IFT80: variants seen among roughly 807,000 people sequenced by gnomAD.
The protein encoded by IFT80 is intraflagellar transport protein 80 homolog.
A neutral mutation model predicts 107.9 loss-of-function variants in IFT80; 79 were observed. That is an observed-to-expected ratio of 0.73 (90% confidence interval 0.61 to 0.88). IFT80 has a LOEUF of 0.88. Ranked by LOEUF, IFT80 falls within the 40% of genes least tolerant of loss-of-function variation. IFT80 has a pLI of 0.00. For synonymous variants in IFT80, 299 were observed against 300.9 expected (o/e 0.99, Z 0.07); for missense variants, 797 against 914.2 (o/e 0.87, Z 1.65).
intron 13 of IFT80, 61 bp downstream of exon 13, chr3:160,285,742 AT>A: frequency 9.0e-7 from 1 of 1,114,100 alleles, no homozygotes; most frequent in South Asian, 1.4e-5. Flanking sequence ...GAAAACATTA[AT>A]TTTGAAAAGG....
intron 8 of IFT80, among the ~76,000 whole-genome samples, chr3:160,329,824 CTTT>C (rs144967861): frequency 6.6e-6 from 1 of 151,376 alleles, no homozygotes; most frequent in African/African-American, 2.4e-5. Flanking sequence ...AAATTGTATG[CTTT>C]TTTTTTCTTG....
At chr3:160,348,610 A>G (rs755002363) in intron 8 of IFT80, among the ~76,000 whole-genome samples, 1 of 152,240 alleles carries the variant, frequency 6.6e-6, no homozygotes, top group Non-Finnish European at 1.5e-5. Context: ...AAATTAAAAT[A>G]TGTCCACACA....
At chr3:160,324,302 C>G (rs141991012) in intron 8 of IFT80, among the ~76,000 whole-genome samples, 1 of 152,098 alleles carries the variant, frequency 6.6e-6, no homozygotes, top group Admixed American at 6.6e-5. Flanking sequence ...ATCCTAATAC[C>G]GAAGCCGGGT....
rs1174175999 is a variant in IFT80 at position 160,307,734 on chromosome 3, A to G, written c.1005T>C (p.Asp335=). The G allele has an allele frequency of 1.2e-6, 2 of 1,606,594 alleles. No individual in the cohort carries two copies. Among genetic ancestry groups the G allele is most frequent in the African/African-American group, 2.7e-5 (2 of 74,794 alleles). ...AGTTCAAAGATGCTTTAATGACTCT[A>G]TCACGGAATTCCAGTAAATCCACTG... The part of the protein sequence containing the change: ...NDAVDLLEFR[D]RVIKASLNYA... The change falls in exon 10 of 20, where the codon GAT becomes GAC. Residue 335 remains aspartate, a synonymous_variant. Coordinates refer to ENST00000326448, the MANE Select transcript of IFT80 (RefSeq NM_020800.3).
At chr3:160,277,903 T>C (rs1714391352) in intron 16 of IFT80, among the ~76,000 whole-genome samples, 1 of 152,174 alleles carries the variant, frequency 6.6e-6, no homozygotes, top group Non-Finnish European at 1.5e-5. Context: ...TTATTAAGGA[T>C]TTATTTCTGA....
chr3:160,372,806 T>G (rs1711631049), intron 5 of IFT80, among the ~76,000 whole-genome samples: 1 of 152,214 alleles, frequency 6.6e-6, no homozygotes. Context: ...TATCATTACA[T>G]GATATGATGA....
Position 160,384,565 on chromosome 3 carries a change from C to T in IFT80, c.36G>A (p.Lys12=), listed in dbSNP as rs764052178. The T allele has an allele frequency of 1.9e-5, 28 of 1,485,012 alleles. No homozygotes were observed. The African/African-American group carries it at 3.3e-4, about 18-fold the overall frequency. The allele number at this position is 1,485,012 out of a possible 1,614,324, so 92.0% of individuals were successfully genotyped here. Residue 12 remains lysine (K), a splice_region_variant and synonymous_variant, in exon 2 of 20, where the codon AAG becomes AAA. Transcript: ENST00000326448. The part of the protein sequence containing the change: ...RLKISLLKEP[K]HQELVSCVGW... ...GATTTATAAGCATTAAAAGGATATGCTTTGGTTCTTTTAAAAGAGATATCT... is the reference window on the plus strand; with the variant it reads ...GATTTATAAGCATTAAAAGGATATGTTTTGGTTCTTTTAAAAGAGATATCT...
At chr3:160,371,857 T>C (rs1311923831) in intron 5 of IFT80, among the ~76,000 whole-genome samples, 1 of 152,180 alleles carries the variant, frequency 6.6e-6, no homozygotes, top group African/African-American at 2.4e-5. Context: ...TCCTTAAAGG[T>C]TTGCAGCATT....
At chr3:160,281,909 C>A (rs1714719215) in intron 14 of IFT80, among the ~76,000 whole-genome samples, 1 of 152,236 alleles carries the variant, frequency 6.6e-6, no homozygotes, top group South Asian at 2.1e-4. Context: ...AAAGATCAAA[C>A]AGTGCACTTG....
intron 2 of IFT80, chr3:160,383,517 T>C (rs148532310): frequency 1.2e-6 from 1 of 800,748 alleles, no homozygotes; most frequent in African/African-American, 1.9e-5. Flanking sequence ...TTATTTCGAA[T>C]CCATTGCATA....
At chr3:160,396,753 ACT>A (rs1263046052) in intron 1 of IFT80, among the ~76,000 whole-genome samples, 1 of 152,154 alleles carries the variant, frequency 6.6e-6, no homozygotes, top group Non-Finnish European at 1.5e-5. Flanking sequence ...TTGTAATTAA[ACT>A]CTGTTAATTT....
rs114280993 is a variant in IFT80, at chr3:160,275,223, T to C, written c.2099+2083A>G. 7.5e-3 allele frequency among the ~76,000 whole-genome samples: 1,146 copies of C among 152,316 alleles called. 20 individuals carry two copies. Among genetic ancestry groups the C allele is most frequent in the African/African-American group, 0.026 (1,095 of 41,576 alleles). On this transcript the variant is annotated intron_variant, in intron 18 of 19. Transcript: ENST00000326448. ...TTTAGAAGTACTATTTCAACCTCTG[T>C]ATGTTCCCACTAAACATTAGTATGT... is the stretch of plus-strand genomic sequence containing the variant.
chr3:160,337,997 A>G (rs1469334814), intron 8 of IFT80, among the ~76,000 whole-genome samples: 3 of 152,122 alleles, frequency 2.0e-5, no homozygotes. Flanking sequence ...GCAGACTCCT[A>G]TTATATGTAC....
intron 12 of IFT80, 41 bp downstream of exon 12, chr3:160,300,842 A>T (rs1485351397): frequency 6.6e-7 from 1 of 1,511,620 alleles, no homozygotes; most frequent in African/African-American, 1.4e-5. Context: ...AGTGTTAACA[A>T]ATTTCATATT....
At chr3:160,379,081 A>C (rs1712266413) in intron 3 of IFT80, among the ~76,000 whole-genome samples, 2 of 152,226 alleles carry the variant, frequency 1.3e-5, no homozygotes, top group African/African-American at 2.4e-5. Context: ...TTAACTTATA[A>C]TTAAGGTTAA....
intron 19 of IFT80, among the ~76,000 whole-genome samples, chr3:160,261,257 T>C (rs1247777165): frequency 1.3e-5 from 2 of 152,150 alleles, no homozygotes; most frequent in Middle Eastern, 3.4e-3. Flanking sequence ...TTCGGCTGTT[T>C]TCAGTCCTTA....
Position 160,257,739 on chromosome 3 carries a change from T to C in IFT80, c.*786A>G, listed in dbSNP as rs2108188350. The C allele has an allele frequency of 6.6e-6, 1 of 152,340 alleles. No homozygotes were observed. Among genetic ancestry groups the C allele is most frequent in the South Asian group, 2.1e-4 (1 of 4,826 alleles). The allele number at this position is 152,340 out of a possible 1,614,324, so 9.4% of individuals were successfully genotyped here. On this transcript the variant is annotated 3_prime_UTR_variant, in exon 20 of 20. Transcript: ENST00000326448. Reference sequence around the variant, plus strand: ...TCCCAAACAGAAACTATGTACTCGTTAAACAATAACCCCACCCCCCATTTC... The same window carrying C: ...TCCCAAACAGAAACTATGTACTCGTCAAACAATAACCCCACCCCCCATTTC...
intron 4 of IFT80, among the ~76,000 whole-genome samples, 194 bp downstream of exon 4, chr3:160,377,236 C>T (rs917577121): frequency 6.6e-6 from 1 of 152,120 alleles, no homozygotes; most frequent in Non-Finnish European, 1.5e-5. Context: ...AGAACAGTCT[C>T]CAAAGGTCAC....
At chr3:160,276,719 T>G (rs1190564915) in intron 18 of IFT80, among the ~76,000 whole-genome samples, 2 of 152,218 alleles carry the variant, frequency 1.3e-5, no homozygotes, top group African/African-American at 4.8e-5. Flanking sequence ...TCTTTCTTCC[T>G]TAGTACTACA....
Sources: gnomAD v4.1 joint callset for allele counts (sites outside exome capture counted in the v4.1 genomes callset) on GRCh38, gnomAD v4.1.1 for gene constraint, MANE v1.5 for transcripts, NCBI Gene and HGNC (gene_info 2026-07-23, HGNC 2026-07-21) for gene names.